Variants in SPHKAP observed in about 807,000 individuals in gnomAD.
SPHKAP encodes the protein SPHK1 interactor, AKAP domain containing.
Under a neutral mutation model 137.5 loss-of-function variants are expected in SPHKAP, and 67 were observed. The observed-to-expected ratio is 0.49, with a 90% CI of 0.40 to 0.60. The LOEUF is 0.60. Ranked by LOEUF, SPHKAP falls within the 20% of genes least tolerant of loss-of-function variation. SPHKAP has a pLI of 0.00. For missense variants in SPHKAP, 2,097 were observed against 2,069.3 expected (o/e 1.01, Z -0.26); for synonymous variants, 813 against 785.3 (o/e 1.04, Z -0.59).
chr2:228,153,840 C>T (rs1700013304), intron 1 of SPHKAP, among the ~76,000 whole-genome samples: 2 of 152,140 alleles, frequency 1.3e-5, no homozygotes, highest in South Asian at 4.2e-4. Context: ...TTGGGAAAAA[C>T]ACAGAGAAGG....
chr2:228,157,704 C>T (rs1338222666), intron 1 of SPHKAP, among the ~76,000 whole-genome samples: 6 of 152,034 alleles, frequency 3.9e-5, no homozygotes, highest in Non-Finnish European at 7.4e-5. Context: ...TGCGGGGAAG[C>T]TTACGGAGGA....
intron 3 of SPHKAP, among the ~76,000 whole-genome samples, chr2:228,059,582 TA>T (rs1295655993): frequency 6.6e-6 from 1 of 152,206 alleles, no homozygotes; most frequent in Non-Finnish European, 1.5e-5. Flanking sequence ...AACAGAATCG[TA>T]AAGTGGACTA....
intron 3 of SPHKAP, among the ~76,000 whole-genome samples, chr2:228,101,249 G>C (rs563785949): frequency 2.6e-5 from 4 of 152,150 alleles, no homozygotes; most frequent in East Asian, 3.9e-4. Flanking sequence ...CATACACCTA[G>C]GAACTCAAGC....
At chr2:228,156,544 C>T (rs1205081056) in intron 1 of SPHKAP, among the ~76,000 whole-genome samples, 1 of 152,192 alleles carries the variant, frequency 6.6e-6, no homozygotes, top group Non-Finnish European at 1.5e-5. Flanking sequence ...AGAACATAAT[C>T]CTTTCTAAGC....
At chr2:228,168,440 T>C (rs1352472175) in intron 1 of SPHKAP, among the ~76,000 whole-genome samples, 5 of 152,176 alleles carry the variant, frequency 3.3e-5, no homozygotes, top group Non-Finnish European at 7.3e-5. Flanking sequence ...GTTTTGAAAA[T>C]TCTTGCAATA....
chr2:228,076,792 G>A (rs1405647310), intron 3 of SPHKAP, among the ~76,000 whole-genome samples: 2 of 152,208 alleles, frequency 1.3e-5, no homozygotes, highest in Admixed American at 1.3e-4. Context: ...AATCCAGCTG[G>A]CTGCAGAAAT....
At chr2:228,023,529 T>C (rs772685562) in intron 5 of SPHKAP, among the ~76,000 whole-genome samples, 1 of 152,240 alleles carries the variant, frequency 6.6e-6, no homozygotes, top group Non-Finnish European at 1.5e-5. Flanking sequence ...GGAGAGGAAC[T>C]GCTGTTGTAG....
intron 3 of SPHKAP, among the ~76,000 whole-genome samples, chr2:228,094,953 T>C: frequency 6.6e-6 from 1 of 152,146 alleles, no homozygotes; most frequent in East Asian, 1.9e-4. Context: ...TGAGAAGAAA[T>C]ATGTGGGGCT....
chr2:228,119,210 G>A (rs1035359499), intron 2 of SPHKAP, among the ~76,000 whole-genome samples: 1 of 152,040 alleles, frequency 6.6e-6, no homozygotes, highest in Non-Finnish European at 1.5e-5. Flanking sequence ...GACAGTAAAT[G>A]GCTGGTGCAG....
intron 3 of SPHKAP, among the ~76,000 whole-genome samples, chr2:228,106,640 C>T (rs1401050314): frequency 4.6e-5 from 7 of 152,096 alleles, no homozygotes; most frequent in South Asian, 2.1e-4. Flanking sequence ...TATTCCTTGA[C>T]GATTTTGGTC....
chr2:227,990,834 A>G, intron 11 of SPHKAP, 166 bp downstream of exon 11: 1 of 694,796 alleles, frequency 1.4e-6, no homozygotes. Flanking sequence ...TAAGTATATT[A>G]TATTTACACA....
intron 1 of SPHKAP, among the ~76,000 whole-genome samples, chr2:228,142,658 C>G (rs576424957): frequency 6.6e-6 from 1 of 151,990 alleles, no homozygotes; most frequent in South Asian, 2.1e-4. Context: ...CAAGAGCATA[C>G]GGACACCTAG....
chr2:228,089,424 C>T (rs1697648128), intron 3 of SPHKAP, among the ~76,000 whole-genome samples: 1 of 152,148 alleles, frequency 6.6e-6, no homozygotes, highest in African/African-American at 2.4e-5. Context: ...AAAGTTGAAA[C>T]TCATATTTAA....
intron 1 of SPHKAP, among the ~76,000 whole-genome samples, chr2:228,145,588 T>A (rs1405776387): frequency 6.6e-6 from 1 of 152,164 alleles, no homozygotes; most frequent in Non-Finnish European, 1.5e-5. Flanking sequence ...ATTACAATTA[T>A]AGATTATTTC....
At position 228,006,332 on chromosome 2, in the gene SPHKAP, C is replaced by T. The variant is rs182930654; in HGVS notation, c.4448+10074G>A. On this transcript the variant is annotated intron_variant, in intron 7 of 11. Coordinates refer to ENST00000392056, the MANE Select transcript of SPHKAP (RefSeq NM_001142644.2). ...TACCCTTTCTTCCAGTTGATCGAAT[C>T]GGCTACTGAAGCTTGTGCATTCATC... is the stretch of plus-strand genomic sequence containing the variant. 4.0e-3 allele frequency among the ~76,000 whole-genome samples: 603 copies of T among 152,286 alleles called. 4 individuals are homozygous for T. Among genetic ancestry groups the T allele is most frequent in the African/African-American group, 0.013 (561 of 41,558 alleles).
intron 11 of SPHKAP, among the ~76,000 whole-genome samples, chr2:227,990,142 T>C (rs527817899): frequency 6.6e-6 from 1 of 152,294 alleles, no homozygotes; most frequent in Non-Finnish European, 1.5e-5. Context: ...TTGGACTCTT[T>C]CTCTTCCCCG....
intron 3 of SPHKAP, among the ~76,000 whole-genome samples, chr2:228,030,513 C>CAAAAAAAAAAA (rs11287311): frequency 2.9e-4 from 14 of 48,746 alleles, no homozygotes; most frequent in African/African-American, 3.7e-4. Flanking sequence ...GATACCATCT[C>CAAAAAAAAAAA]AAAAAAAAAA....
chr2:228,031,859 A>T (rs955666326), intron 3 of SPHKAP, among the ~76,000 whole-genome samples: 1 of 152,244 alleles, frequency 6.6e-6, no homozygotes, highest in Non-Finnish European at 1.5e-5. Flanking sequence ...AACAGAAAGG[A>T]CATCCACACC....
At chr2:228,124,423 G>T (rs1699006869) in intron 2 of SPHKAP, among the ~76,000 whole-genome samples, 2 of 152,032 alleles carry the variant, frequency 1.3e-5, no homozygotes, top group African/African-American at 4.8e-5. Flanking sequence ...ATGAGTTCAT[G>T]TCCTTTGTAG....
Sources: allele counts gnomAD v4.1 joint callset (sites outside exome capture counted in the v4.1 genomes callset), GRCh38; gene constraint gnomAD v4.1.1; transcripts MANE v1.5; gene names NCBI Gene and HGNC (gene_info 2026-07-23, HGNC 2026-07-21).